ITGA9: variants seen among roughly 807,000 people sequenced by gnomAD.
ITGA9 encodes integrin alpha-9.
A neutral mutation model predicts 127.8 loss-of-function variants in ITGA9; 56 were observed. The ratio of observed to expected loss-of-function variants is 0.44; its 90% confidence interval spans 0.35 to 0.55. The LOEUF is 0.55. ITGA9 is among the 20% of genes least tolerant of loss of function. ITGA9 has a pLI of 0.00. For synonymous variants in ITGA9, 508 were observed against 514.5 expected, an observed-to-expected ratio of 0.99 and a Z score of 0.17; for missense variants, 1,196 against 1,347.1, an observed-to-expected ratio of 0.89 and a Z score of 1.76.
At chr3:37,811,022 T>C (rs1351613334) in intron 27 of ITGA9, among the ~76,000 whole-genome samples, 1 of 152,156 alleles carries the variant, frequency 6.6e-6, no homozygotes, top group African/African-American at 2.4e-5. Context: ...CATCTTCTCA[T>C]GCTTGGCGGC....
chr3:37,697,307 GTTATTATTATTA>G (rs143332603), intron 18 of ITGA9, among the ~76,000 whole-genome samples: 31,801 of 143,512 alleles, frequency 0.22, 4,054 homozygotes, highest in South Asian at 0.43. Flanking sequence ...GACTACTTCT[GTTATTATTATTA>G]TTATTATTAT....
At chr3:37,692,665 T>C (rs1249047256) in intron 18 of ITGA9, among the ~76,000 whole-genome samples, 1 of 152,162 alleles carries the variant, frequency 6.6e-6, no homozygotes, top group African/African-American at 2.4e-5. Flanking sequence ...TGCTTAAGTA[T>C]TGGAGTTTTT....
chr3:37,786,288 A>G (rs1292178113), intron 26 of ITGA9, among the ~76,000 whole-genome samples: 2 of 152,238 alleles, frequency 1.3e-5, no homozygotes, highest in Non-Finnish European at 2.9e-5. Context: ...ACCACATGTC[A>G]AAATGTCAGA....
chr3:37,743,912 C>T lies in ITGA9; in HGVS notation c.2325-14C>T, dbSNP rs1279383315. On this transcript the variant is annotated splice_polypyrimidine_tract_variant and intron_variant, in intron 21 of 27. Coordinates refer to ENST00000264741, the MANE Select transcript of ITGA9 (RefSeq NM_002207.3). ...GTGGGTGGGGATGACAGATTTCATG[C>T]TTTCCTCTTTCAGAATCATGTCTCC... The T allele has an allele frequency of 1.9e-6, 3 of 1,581,568 alleles. No individual in the cohort carries two copies. Among genetic ancestry groups the T allele is most frequent in the South Asian group, 2.2e-5 (2 of 90,428 alleles).
In ITGA9 at chr3:37,730,379, G is replaced by A. The variant is rs1696273141; in HGVS notation, c.2068-2333G>A. Among the ~76,000 whole-genome samples the A allele has an allele frequency of 3.3e-5, 5 of 152,304 alleles. No homozygotes were observed. The South Asian group carries it at 1.0e-3, about 32-fold the overall frequency. On this transcript the variant is annotated intron_variant, in intron 18 of 27. Transcript: ENST00000264741. ...TTGTGGGTGTTGCTTCTGGCAGGAG[G>A]AATATGAGGAAGAAGATGGTAGGGA...
chr3:37,640,549 C>T (rs73824861), intron 16 of ITGA9, among the ~76,000 whole-genome samples: 4,875 of 152,248 alleles, frequency 0.032, 229 homozygotes, highest in African/African-American at 0.1. Flanking sequence ...ACCTTGATTT[C>T]GGCCTGTAGA....
chr3:37,517,211 G>C (rs1309723915), intron 9 of ITGA9, among the ~76,000 whole-genome samples: 1 of 152,208 alleles, frequency 6.6e-6, no homozygotes, highest in African/African-American at 2.4e-5. Context: ...GTTTGCTTGT[G>C]TGTAGTGTAT....
chr3:37,548,623 T>G (rs1699350534), intron 15 of ITGA9, among the ~76,000 whole-genome samples: 1 of 152,184 alleles, frequency 6.6e-6, no homozygotes, highest in African/African-American at 2.4e-5. Context: ...TAACCTGATC[T>G]GATGCTTGTA....
chr3:37,656,141 T>C (rs184006243), intron 17 of ITGA9, among the ~76,000 whole-genome samples: 67 of 152,344 alleles, frequency 4.4e-4, no homozygotes, highest in African/African-American at 1.5e-3. Flanking sequence ...CCTCCAGCTT[T>C]GTTCTTTTGG....
chr3:37,668,542 C>G (rs1364957160), intron 17 of ITGA9, among the ~76,000 whole-genome samples: 1 of 152,168 alleles, frequency 6.6e-6, no homozygotes, highest in African/African-American at 2.4e-5. Context: ...GGTTTCCTTG[C>G]TAAGATTTTT....
At chr3:37,469,338 G>T (rs868532724) in intron 1 of ITGA9, among the ~76,000 whole-genome samples, 1 of 152,132 alleles carries the variant, frequency 6.6e-6, no homozygotes, top group African/African-American at 2.4e-5. Flanking sequence ...TTATAATTCC[G>T]CACTGCTGCT....
At chr3:37,495,666 G>A (rs1384314986) in intron 5 of ITGA9, among the ~76,000 whole-genome samples, 13 of 152,160 alleles carry the variant, frequency 8.5e-5, no homozygotes, top group Admixed American at 8.5e-4. Context: ...GCCCTGATTG[G>A]TCTTCTTATG....
rs202220339 is a variant in ITGA9 at position 37,523,513 on chromosome 3, T to C, written c.1237-8T>C. On this transcript the variant is annotated splice_region_variant and splice_polypyrimidine_tract_variant and intron_variant, in intron 11 of 27. Transcript: ENST00000264741. ...CCTGTGACTCCATTTCCCTATTATC[T>C]GTTTCAGAAACTGTCTGGGCAGAAG... The C allele has an allele frequency of 1.6e-3, 2,599 of 1,610,336 alleles. 6 individuals carry two copies. The highest frequency in any genetic ancestry group is 1.9e-3 in the Non-Finnish European group (2,292 of 1,176,516).
At chr3:37,616,079 C>T (rs1014104406) in intron 15 of ITGA9, among the ~76,000 whole-genome samples, 15 of 152,180 alleles carry the variant, frequency 9.9e-5, no homozygotes, top group African/African-American at 3.6e-4. Context: ...TTAGATCTTT[C>T]CTGCTTTCTC....
intron 15 of ITGA9, among the ~76,000 whole-genome samples, chr3:37,576,095 C>A (rs775162324): frequency 6.6e-6 from 1 of 152,202 alleles, no homozygotes. Context: ...GGCTTTAATT[C>A]TTCCCTGGAT....
chr3:37,537,911 G>A (rs1274555189), intron 14 of ITGA9, among the ~76,000 whole-genome samples: 1 of 152,188 alleles, frequency 6.6e-6, no homozygotes, highest in Admixed American at 6.5e-5. Flanking sequence ...CTTGGCCTGG[G>A]AACAGCCTGT....
intron 18 of ITGA9, among the ~76,000 whole-genome samples, chr3:37,731,197 T>C (rs1353610337): frequency 6.6e-6 from 1 of 152,180 alleles, no homozygotes; most frequent in Non-Finnish European, 1.5e-5. Flanking sequence ...AATTAGAGTG[T>C]GGCCCAGGAA....
chr3:37,488,971 A>G (rs1698639120), intron 4 of ITGA9, among the ~76,000 whole-genome samples: 1 of 152,192 alleles, frequency 6.6e-6, no homozygotes, highest in African/African-American at 2.4e-5. Flanking sequence ...CCCATTAAAC[A>G]TGAACTCCTC....
intron 5 of ITGA9, among the ~76,000 whole-genome samples, chr3:37,498,335 G>A (rs866115000): frequency 6.6e-6 from 1 of 152,176 alleles, no homozygotes; most frequent in South Asian, 2.1e-4. Context: ...GGGAGGAGAA[G>A]CTAGATTGAT....
Sources: allele counts gnomAD v4.1 joint callset (sites outside exome capture counted in the v4.1 genomes callset), GRCh38; gene constraint gnomAD v4.1.1; transcripts MANE v1.5; gene names NCBI Gene and HGNC (gene_info 2026-07-23, HGNC 2026-07-21).